KIAA1549L: variants seen among roughly 807,000 people sequenced by gnomAD.
KIAA1549L encodes the protein UPF0606 protein KIAA1549L.
Under a neutral mutation model 160.7 loss-of-function variants are expected in KIAA1549L, and 88 were observed. The ratio of observed to expected loss-of-function variants is 0.55; its 90% CI spans 0.46 to 0.65. The LOEUF is 0.65. KIAA1549L is among the 30% of genes least tolerant of loss of function. The pLI is 0.00. For missense variants in KIAA1549L, 2,258 were observed against 2,437.5 expected (o/e 0.93, Z 1.55); for synonymous variants, 950 against 976.7 (o/e 0.97, Z 0.51).
chr11:33,623,330 C>T (rs554408561), intron 16 of KIAA1549L, among the ~76,000 whole-genome samples: 41 of 152,284 alleles, frequency 2.7e-4, no homozygotes, highest in African/African-American at 3.4e-4. Flanking sequence ...CCCCTGACCT[C>T]GGTGCTCTTG....
chr11:33,659,709 G>T (rs934484694), intron 19 of KIAA1549L, among the ~76,000 whole-genome samples: 1 of 152,134 alleles, frequency 6.6e-6, no homozygotes, highest in Admixed American at 6.5e-5. Context: ...TTTTCTTGGC[G>T]CTTTAAAAAT....
chr11:33,510,136 ACT>A (rs1216130092), intron 1 of KIAA1549L, among the ~76,000 whole-genome samples: 2 of 150,800 alleles, frequency 1.3e-5, no homozygotes, highest in Admixed American at 6.6e-5. Context: ...AGGATCTCTC[ACT>A]CTCTCTCTCA....
chr11:33,662,620 G>A (rs899360523), intron 20 of KIAA1549L, among the ~76,000 whole-genome samples: 1 of 152,168 alleles, frequency 6.6e-6, no homozygotes, highest in African/African-American at 2.4e-5. Flanking sequence ...AGTAGATGAT[G>A]TTTAACTTGA....
chr11:33,391,817 C>T (rs1475253564), intron 1 of KIAA1549L, among the ~76,000 whole-genome samples: 6 of 152,166 alleles, frequency 3.9e-5, no homozygotes. Flanking sequence ...AGTGTCTTTA[C>T]CTATAAAAAT....
intron 1 of KIAA1549L, among the ~76,000 whole-genome samples, chr11:33,473,077 A>G (rs1057433515): frequency 6.6e-6 from 1 of 152,198 alleles, no homozygotes; most frequent in Non-Finnish European, 1.5e-5. Flanking sequence ...GAACAAATAA[A>G]TCAAATTGTG....
At chr11:33,435,824 A>G (rs1211606850) in intron 1 of KIAA1549L, among the ~76,000 whole-genome samples, 2,273 of 56,920 alleles carry the variant, frequency 0.04, 634 homozygotes, top group African/African-American at 0.2. Flanking sequence ...GTGTGTATAT[A>G]TATATATGTA....
intron 20 of KIAA1549L, among the ~76,000 whole-genome samples, chr11:33,665,831 G>A (rs888727314): frequency 2.0e-5 from 3 of 152,112 alleles, no homozygotes; most frequent in African/African-American, 4.8e-5. Flanking sequence ...AGAGAGGCCA[G>A]GCAGCAGAAG....
intron 1 of KIAA1549L, among the ~76,000 whole-genome samples, chr11:33,506,653 C>T (rs1853096781): frequency 6.7e-6 from 1 of 149,936 alleles, no homozygotes; most frequent in African/African-American, 2.5e-5. Context: ...GAATTCAAGT[C>T]TGCAGTGAGC....
At chr11:33,544,487 A>G (rs1854165436) in intron 2 of KIAA1549L, 151 bp downstream of exon 2, 3 of 845,554 alleles carry the variant, frequency 3.5e-6, no homozygotes, top group Non-Finnish European at 5.4e-6. Context: ...TAGTAGCCCC[A>G]AGTAGTCACC....
Position 33,542,771 on chromosome 11 carries a change from T to C in KIAA1549L, c.1208T>C (p.Leu403Ser), listed in dbSNP as rs753793632. 8.1e-6 allele frequency: 13 copies of C among 1,613,764 alleles called. No homozygotes were observed. The highest frequency in any genetic ancestry group is 2.5e-6 in the Non-Finnish European group (3 of 1,179,852). ...GGAAGAGTGCACAATGGGGTGTCTT[T>C]GCCAACTTTTAAGAATACAGAAACA... ...VPGRVHNGVS[L>S]PTFKNTETAT... Residue 403 changes from leucine to serine, a missense_variant, in exon 2 of 21, where the codon TTG becomes TCG. Leu to Ser is a moderately radical substitution (Grantham distance 145). Transcript: ENST00000658780.
intron 6 of KIAA1549L, among the ~76,000 whole-genome samples, chr11:33,557,408 T>G (rs1360722739): frequency 6.6e-6 from 1 of 152,186 alleles, no homozygotes; most frequent in Non-Finnish European, 1.5e-5. Flanking sequence ...TTTTTTAAAT[T>G]GTTCAGAAAG....
intron 1 of KIAA1549L, among the ~76,000 whole-genome samples, chr11:33,377,636 C>T (rs754430519): frequency 4.6e-5 from 7 of 152,098 alleles, no homozygotes; most frequent in African/African-American, 2.4e-5. Context: ...TGATTACTGC[C>T]TGCACTTGGA....
intron 1 of KIAA1549L, among the ~76,000 whole-genome samples, chr11:33,397,710 T>TCTCACA (rs1445496950): frequency 4.9e-5 from 7 of 142,942 alleles, no homozygotes; most frequent in African/African-American, 1.8e-4. Context: ...AGACTCCATC[T>TCTCACA]CACACACACA....
intron 1 of KIAA1549L, among the ~76,000 whole-genome samples, chr11:33,474,403 C>T (rs1447325990): frequency 2.0e-5 from 3 of 152,218 alleles, no homozygotes; most frequent in South Asian, 2.1e-4. Context: ...TTCCCTTGCT[C>T]GTTGCTCTTC....
At chr11:33,531,452 C>T (rs556919437) in intron 1 of KIAA1549L, among the ~76,000 whole-genome samples, 5 of 151,500 alleles carry the variant, frequency 3.3e-5, no homozygotes, top group Admixed American at 6.6e-5. Flanking sequence ...CCAGCCTGTG[C>T]GAGGAATGAG....
chr11:33,596,244 G>A (rs1345684574), intron 12 of KIAA1549L, among the ~76,000 whole-genome samples: 7 of 152,106 alleles, frequency 4.6e-5, no homozygotes, highest in Admixed American at 2.6e-4. Context: ...AAACACACGG[G>A]CACAAATCTC....
intron 17 of KIAA1549L, among the ~76,000 whole-genome samples, chr11:33,648,247 C>T (rs565974117): frequency 3.4e-4 from 52 of 152,176 alleles, no homozygotes; most frequent in African/African-American, 9.9e-4. Context: ...CCACCCACCT[C>T]GGCCTCCCAA....
chr11:33,418,416 G>A (rs543243829), intron 1 of KIAA1549L, among the ~76,000 whole-genome samples: 13 of 152,286 alleles, frequency 8.5e-5, no homozygotes, highest in Admixed American at 2.0e-4. Context: ...AGGTATGCTA[G>A]AGGAGATGGC....
intron 17 of KIAA1549L, among the ~76,000 whole-genome samples, chr11:33,647,803 T>C (rs371276381): frequency 6.8e-6 from 1 of 146,532 alleles, no homozygotes; most frequent in African/African-American, 2.5e-5. Context: ...AAAAAAAAAA[T>C]CCATTGTGGG....
Sources: allele counts gnomAD v4.1 joint callset (sites outside exome capture counted in the v4.1 genomes callset), GRCh38; gene constraint gnomAD v4.1.1; transcripts MANE v1.5; gene names NCBI Gene and HGNC (gene_info 2026-07-23, HGNC 2026-07-21).